The following EXOSC7 variants were observed in gnomAD, a reference collection of about 807,000 sequenced individuals.
EXOSC7 encodes exosome component 7, also known as exosome complex component RRP42.
A neutral mutation model predicts 34.3 loss-of-function variants in EXOSC7; 25 were observed. The observed-to-expected ratio is 0.73, with a 90% CI of 0.53 to 1.02. The LOEUF is 1.02. Among genes scored for constraint, EXOSC7 ranks in the 50% least tolerant of loss-of-function variants. EXOSC7 has a pLI of 0.00. For synonymous variants in EXOSC7, 130 were observed against 143.0 expected, an observed-to-expected ratio of 0.91 and a Z score of 0.65; for missense variants, 370 against 368.5, an observed-to-expected ratio of 1.00 and a Z score of -0.03.
At chr3:45,011,787 C>CGTCT (rs778489960), downstream of EXOSC7, among the ~76,000 whole-genome samples, 73 of 152,318 alleles carry the variant, frequency 4.8e-4, no homozygotes, top group Non-Finnish European at 8.5e-4. Context: ...ACACCCAGGG[C>CGTCT]GTCTGTCTGT....
intron 4 of EXOSC7, among the ~76,000 whole-genome samples, chr3:44,997,765 C>T (rs1381934987): frequency 6.6e-6 from 1 of 152,194 alleles, no homozygotes; most frequent in Non-Finnish European, 1.5e-5. Context: ...TGTTGAGTCT[C>T]AAAGCCAGGT....
chr3:44,998,074 C>G (rs1308567431), intron 4 of EXOSC7, among the ~76,000 whole-genome samples: 1 of 137,894 alleles, frequency 7.3e-6, no homozygotes, highest in African/African-American at 2.8e-5. Context: ...CTTGCTCTGT[C>G]ACCCAGGCTG....
chr3:45,001,752 A>C, intron 5 of EXOSC7, 144 bp downstream of exon 5: 2 of 625,858 alleles, frequency 3.2e-6, no homozygotes, highest in Non-Finnish European at 5.8e-6. Flanking sequence ...ATCTAACGTT[A>C]AACTCCAGAA....
chr3:44,987,092 TAAAA>T (rs34686659), intron 1 of EXOSC7, among the ~76,000 whole-genome samples: 2 of 136,230 alleles, frequency 1.5e-5, no homozygotes, highest in East Asian at 4.2e-4. Context: ...AGTTAAGTGT[TAAAA>T]AAAAAAAAAA....
chr3:45,000,687 T>C, intron 4 of EXOSC7, among the ~76,000 whole-genome samples: 1 of 152,368 alleles, frequency 6.6e-6, no homozygotes, highest in East Asian at 1.9e-4. Flanking sequence ...CATTGATCAT[T>C]ACATACGAGA....
intron 5 of EXOSC7, chr3:45,001,939 A>T: frequency 3.7e-6 from 1 of 269,588 alleles, no homozygotes; most frequent in South Asian, 5.2e-5. Context: ...TACTGGGTGA[A>T]CTCTATGGGG....
At chr3:44,994,340 C>T (rs996113908) in intron 3 of EXOSC7, among the ~76,000 whole-genome samples, 35 of 150,540 alleles carry the variant, frequency 2.3e-4, no homozygotes, top group African/African-American at 8.3e-4. Context: ...GGTCAGATCC[C>T]ACCTGGGAGA....
At chr3:44,986,876 C>A (rs181803866) in intron 1 of EXOSC7, among the ~76,000 whole-genome samples, 10 of 152,056 alleles carry the variant, frequency 6.6e-5, no homozygotes, top group African/African-American at 2.4e-4. Flanking sequence ...ATGCAGTTAG[C>A]CAGGCAGTTT....
chr3:45,000,459 C>T (rs368669875), intron 4 of EXOSC7, among the ~76,000 whole-genome samples: 90 of 152,314 alleles, frequency 5.9e-4, no homozygotes, highest in African/African-American at 2.0e-3. Flanking sequence ...GCAGCCCAGT[C>T]GGCTTTATTC....
intron 1 of EXOSC7, among the ~76,000 whole-genome samples, chr3:44,983,413 G>A (rs924870079): frequency 6.6e-6 from 1 of 152,188 alleles, no homozygotes; most frequent in African/African-American, 2.4e-5. Context: ...GTAAGGTCGG[G>A]GTTATCCCTG....
intron 3 of EXOSC7, among the ~76,000 whole-genome samples, chr3:44,995,548 A>G (rs906850873): frequency 1.3e-5 from 2 of 152,226 alleles, no homozygotes; most frequent in Non-Finnish European, 2.9e-5. Flanking sequence ...CTTAGTGTTT[A>G]AATTAGAAAC....
chr3:45,011,831 G>T (rs984242814), downstream of EXOSC7, among the ~76,000 whole-genome samples: 10 of 152,218 alleles, frequency 6.6e-5, no homozygotes, highest in Non-Finnish European at 7.3e-5. Flanking sequence ...GGAAAGTCCA[G>T]CTCTGACTTC....
Position 44,994,856 on chromosome 3 carries a change from GGTGTGTGTGTGTGTGT to G in EXOSC7, c.255-2196_255-2181del, listed in dbSNP as rs34579096. On this transcript the variant is annotated intron_variant, in intron 3 of 7. Transcript: ENST00000265564. ...GACTGCTGGCTATGGTGGAAGAATGGGTGTGTGTGTGTGTGTGTGTGTGTGTGTGTGTGTGTGTGTG... is the reference window on the plus strand; with the variant it reads ...GACTGCTGGCTATGGTGGAAGAATGGGTGTGTGTGTGTGTGTGTGTGTGTG... Among the ~76,000 whole-genome samples the G allele has an allele frequency of 2.4e-3, 326 of 134,946 alleles. 1 individual carries two copies. The highest frequency in any genetic ancestry group is 3.7e-3 in the Middle Eastern group (1 of 270). The allele number at this position is 134,946 out of a possible 152,430, so 88.5% of individuals were successfully genotyped here.
chr3:44,987,196 A>G (rs1706445790), intron 1 of EXOSC7, among the ~76,000 whole-genome samples: 2 of 152,316 alleles, frequency 1.3e-5, no homozygotes, highest in African/African-American at 2.4e-5. Context: ...TGCAGAGAAA[A>G]TACAAGAAAG....
At chr3:44,993,399 G>GGGCCT (rs1243966476) in intron 3 of EXOSC7, among the ~76,000 whole-genome samples, 1 of 152,018 alleles carries the variant, frequency 6.6e-6, no homozygotes, top group East Asian at 1.9e-4. Context: ...TTTCTGCTGT[G>GGGCCT]GGCCTGGCCT....
chr3:44,991,527 C>T (rs1706572282), intron 3 of EXOSC7, among the ~76,000 whole-genome samples: 1 of 152,224 alleles, frequency 6.6e-6, no homozygotes, highest in East Asian at 1.9e-4. Flanking sequence ...TCATTTTAGG[C>T]AGACCAAAGA....
intron 3 of EXOSC7, among the ~76,000 whole-genome samples, chr3:44,993,309 T>C (rs1271100980): frequency 6.6e-6 from 1 of 152,098 alleles, no homozygotes; most frequent in African/African-American, 2.4e-5. Context: ...GAATCAGCCT[T>C]AGGGCCTGTG....
intron 6 of EXOSC7, 133 bp from the exon 7 acceptor site, chr3:45,007,287 A>G: frequency 2.3e-6 from 2 of 879,000 alleles, no homozygotes; most frequent in South Asian, 1.8e-5. Context: ...TCGTGAGCAG[A>G]ATCTAAAATA....
In EXOSC7 at chr3:44,985,568, G is replaced by A. The variant is rs752858810; in HGVS notation, c.58-3572G>A. On this transcript the variant is annotated intron_variant, in intron 1 of 7. Coordinates refer to ENST00000265564, the MANE Select transcript of EXOSC7 (RefSeq NM_015004.4). Reference sequence around the variant, plus strand: ...ACACCTGGAGTTGTTCATTCCTCCCGAGGTGGGTTCGTGGTCTCGCTGGCT... The same window carrying A: ...ACACCTGGAGTTGTTCATTCCTCCCAAGGTGGGTTCGTGGTCTCGCTGGCT... Among the ~76,000 whole-genome samples the A allele has an allele frequency of 8.6e-5, 13 of 150,434 alleles. 1 individual carries two copies. The highest frequency in any genetic ancestry group is 1.8e-4 in the Non-Finnish European group (12 of 67,618).
Sources: allele counts gnomAD v4.1 joint callset (sites outside exome capture counted in the v4.1 genomes callset), GRCh38; gene constraint gnomAD v4.1.1; transcripts MANE v1.5; gene names NCBI Gene and HGNC (gene_info 2026-07-23, HGNC 2026-07-21).